Variants in DOCK10 observed in about 807,000 individuals in gnomAD.
DOCK10 encodes dedicator of cytokinesis protein 10.
Under a neutral mutation model 280.1 loss-of-function variants are expected in DOCK10, and 145 were observed. The ratio of observed to expected loss-of-function variants is 0.52; its 90% CI spans 0.45 to 0.59. The LOEUF (loss-of-function observed/expected upper bound fraction) is 0.59, where lower values mean the gene tolerates loss of function less well. Among genes scored for constraint, DOCK10 ranks in the 20% least tolerant of loss-of-function variants. The pLI, the probability that DOCK10 is intolerant of heterozygous loss-of-function variation, is 0.00. For synonymous variants in DOCK10, 915 were observed against 942.2 expected, an observed-to-expected ratio of 0.97 and a Z score of 0.53; for missense variants, 2,368 against 2,651.7, an observed-to-expected ratio of 0.89 and a Z score of 2.35.
chr2:224,811,253 T>C (rs1693751848), intron 31 of DOCK10, among the ~76,000 whole-genome samples: 1 of 152,256 alleles, frequency 6.6e-6, no homozygotes, highest in Admixed American at 6.5e-5. Context: ...GAGCATTTTT[T>C]CGTGTGTTTT....
In DOCK10 at chr2:224,775,014, G is replaced by T. The variant is rs768117264; in HGVS notation, c.5904C>A (p.Phe1968Leu). ...EKEIEDRKTD[F>L]EMHHNINRFV... ...AGCGGTTGATGTTGTGGTGCATTTC[G>T]AAATCTGTCTTCCGGTCTTCGATTT... is the stretch of plus-strand genomic sequence containing the variant. The change falls in exon 52 of 56, where the codon TTC becomes TTA. Residue 1968 changes from phenylalanine to leucine, a missense_variant. Coordinates refer to ENST00000258390, the MANE Select transcript of DOCK10 (RefSeq NM_014689.3). 1 of 1,613,808 alleles carries T rather than the reference G, an allele frequency of 6.2e-7. No individual in the cohort carries two copies. The highest frequency in any genetic ancestry group is 8.5e-7 in the Non-Finnish European group (1 of 1,179,868).
In DOCK10 at chr2:224,770,471, T is replaced by G. The variant is rs974577681; in HGVS notation, c.6305+74A>C. 6.4e-7 allele frequency: 1 copy of G among 1,574,382 alleles called. No homozygotes were observed. Among genetic ancestry groups the G allele is most frequent in the East Asian group, 2.2e-5 (1 of 44,510 alleles). ...GCCACCTCAGTGAGTTTTGGTGTGA[T>G]GGATTCTTGGGGGATTGAGGACTCC... On this transcript the variant is annotated intron_variant, in intron 54 of 55. Coordinates refer to ENST00000258390, the MANE Select transcript of DOCK10 (RefSeq NM_014689.3). This position sits in a 1 kb window ranked among gnomAD's most constrained non-coding sequence, Gnocchi z 4.5.
chr2:224,814,115 A>G (rs1693967788), intron 31 of DOCK10, among the ~76,000 whole-genome samples: 1 of 152,248 alleles, frequency 6.6e-6, no homozygotes, highest in Admixed American at 6.5e-5. Context: ...CAACCTCTGG[A>G]GAATAAAATA....
chr2:224,819,500 A>G lies in DOCK10; in HGVS notation c.3213T>C (p.Tyr1071=). ...KRCFTFMDRG[Y]VFKMVNNYIS... ...TGTAATTGTTGACCATCTTAAACAC[A>G]TACCCTCGGTCCATAAATGTAAAGC... The change falls in exon 29 of 56, where the codon TAT becomes TAC. Residue 1071 remains tyrosine (Y), a synonymous_variant. Coordinates refer to ENST00000258390, the MANE Select transcript of DOCK10 (RefSeq NM_014689.3). The G allele has an allele frequency of 6.2e-7, 1 of 1,611,080 alleles. No individual in the cohort carries two copies. Among genetic ancestry groups the G allele is most frequent in the Non-Finnish European group, 8.5e-7 (1 of 1,178,632 alleles).
chr2:224,886,221 T>C (rs1405096731), intron 5 of DOCK10, 36 bp from the exon 6 acceptor site: 3 of 1,613,158 alleles, frequency 1.9e-6, no homozygotes, highest in East Asian at 2.2e-5. Context: ...CAGCCATCTT[T>C]TGTGGATCCT....
chr2:224,973,526 A>G (rs1210169695), intron 1 of DOCK10, among the ~76,000 whole-genome samples: 1 of 152,044 alleles, frequency 6.6e-6, no homozygotes, highest in East Asian at 1.9e-4. Context: ...CAGCCTCTAG[A>G]ACTTGGAAAA....
At chr2:224,842,592 C>T (rs767278414) in intron 22 of DOCK10, among the ~76,000 whole-genome samples, 7 of 151,922 alleles carry the variant, frequency 4.6e-5, no homozygotes, top group African/African-American at 4.8e-5. Context: ...TGTGTGTGCG[C>T]GTGTGTGTGT....
chr2:224,871,920 A>G (rs1433346947), intron 11 of DOCK10, among the ~76,000 whole-genome samples: 1 of 152,216 alleles, frequency 6.6e-6, no homozygotes, highest in Non-Finnish European at 1.5e-5. Flanking sequence ...GCCGTTTTCA[A>G]AAAGAATCTA....
intron 26 of DOCK10, among the ~76,000 whole-genome samples, chr2:224,833,300 T>A (rs1695362240): frequency 6.6e-6 from 1 of 152,128 alleles, no homozygotes; most frequent in East Asian, 1.9e-4. Flanking sequence ...GTGGCTTCCA[T>A]GACTTCATCG....
intron 11 of DOCK10, among the ~76,000 whole-genome samples, chr2:224,873,511 G>C (rs1698422373): frequency 6.7e-6 from 1 of 149,714 alleles, no homozygotes. Context: ...AGCCCTGGAA[G>C]CTGCGGCTGC....
chr2:224,992,039 G>T (rs1276518482), intron 1 of DOCK10, among the ~76,000 whole-genome samples: 2 of 152,110 alleles, frequency 1.3e-5, no homozygotes, highest in African/African-American at 2.4e-5. Flanking sequence ...GTTCAGGAGA[G>T]AGAAATCTGT....
intron 22 of DOCK10, among the ~76,000 whole-genome samples, chr2:224,843,181 C>G (rs1479846876): frequency 1.3e-5 from 2 of 152,160 alleles, no homozygotes; most frequent in African/African-American, 4.8e-5. Flanking sequence ...AGCTTCCCTT[C>G]TCCACTGAGG....
At chr2:224,789,806 G>A (rs1383131734) in intron 47 of DOCK10, among the ~76,000 whole-genome samples, 1 of 150,308 alleles carries the variant, frequency 6.7e-6, no homozygotes, top group Non-Finnish European at 1.5e-5. Flanking sequence ...TTGAGACGGA[G>A]TTTCACTCTT....
At position 225,018,202 on chromosome 2, in the gene DOCK10, G is replaced by A. The variant is rs79031122; in HGVS notation, c.123+24050C>T. Among the ~76,000 whole-genome samples the A allele has an allele frequency of 8.7e-4, 133 of 152,164 alleles. 4 individuals are homozygous for A. The East Asian group carries it at 0.025, about 28-fold the overall frequency. On this transcript the variant is annotated intron_variant, in intron 1 of 55. Coordinates refer to ENST00000258390, the MANE Select transcript of DOCK10 (RefSeq NM_014689.3). ...ATAAGCTTTATTATCAACCATGTCT[G>A]TAGTCTCCTGTATTCTACTCTGTGT...
chr2:224,978,721 T>C (rs1159575134), intron 1 of DOCK10, among the ~76,000 whole-genome samples: 1 of 152,194 alleles, frequency 6.6e-6, no homozygotes, highest in Non-Finnish European at 1.5e-5. Flanking sequence ...ATGTTTACAT[T>C]GGGCTAGGCT....
chr2:224,789,205 T>C, intron 47 of DOCK10, 35 bp from the exon 48 acceptor site: 1 of 1,449,504 alleles, frequency 6.9e-7, no homozygotes, highest in Non-Finnish European at 9.6e-7. Flanking sequence ...ACATTATTAT[T>C]TGAGACAAAT....
At position 224,886,189 on chromosome 2, in the gene DOCK10, T is replaced by C. The variant is rs369928394; in HGVS notation, c.490-4A>G. 341 of 1,613,634 alleles carry C rather than the reference T, an allele frequency of 2.1e-4. 1 individual carries two copies. The highest frequency in any genetic ancestry group is 2.7e-4 in the Non-Finnish European group (319 of 1,179,792). ...AAGACGAGTGGGAAGTGGTATCCTG[T>C]AGGAAAGGCATAGTAGCATGACAGC... is the stretch of plus-strand genomic sequence containing the variant. On this transcript the variant is annotated splice_region_variant and splice_polypyrimidine_tract_variant and intron_variant, in intron 5 of 55. Coordinates refer to ENST00000258390, the MANE Select transcript of DOCK10 (RefSeq NM_014689.3).
At chr2:225,033,725 A>G (rs1690145187) in intron 1 of DOCK10, among the ~76,000 whole-genome samples, 1 of 152,194 alleles carries the variant, frequency 6.6e-6, no homozygotes, top group African/African-American at 2.4e-5. Flanking sequence ...TCTCACTTCA[A>G]TGGCGGGGAG....
Position 224,844,815 on chromosome 2 carries a change from C to G in DOCK10, c.2506G>C (p.Val836Leu). The change falls in exon 22 of 56, where the codon GTT becomes CTT. Residue 836 changes from valine to leucine, a missense_variant. Physicochemically the swap from Val to Leu is conservative, Grantham distance 32. Coordinates refer to ENST00000258390, the MANE Select transcript of DOCK10 (RefSeq NM_014689.3). Reference sequence around the variant, plus strand: ...TTGAAAAGTGGTTTGCCACCATCAACCCATTTAATGTCACTCCCACCATGC... The same window carrying G: ...TTGAAAAGTGGTTTGCCACCATCAAGCCATTTAATGTCACTCCCACCATGC... ...GKHGGSDIKWVDGGKPLFKVS... is the reference protein window; with the variant it reads ...GKHGGSDIKWLDGGKPLFKVS... The G allele has an allele frequency of 6.2e-7, 1 of 1,607,960 alleles. No homozygotes were observed.
Sources: allele counts gnomAD v4.1 joint callset (sites outside exome capture counted in the v4.1 genomes callset), GRCh38; gene constraint gnomAD v4.1.1; non-coding constraint Gnocchi (gnomAD v3.1); transcripts MANE v1.5; gene names NCBI Gene and HGNC (gene_info 2026-07-23, HGNC 2026-07-21).